Variants in FBN2 observed in about 807,000 individuals in gnomAD.
The protein encoded by FBN2 is fibrillin 2, also known as fibrillin-2.
FBN2 carries 105 observed loss-of-function variants against 355.6 expected under a neutral mutation model. The observed-to-expected ratio is 0.30, with a 90% CI of 0.25 to 0.35. FBN2 has a LOEUF of 0.35. Ranked by LOEUF, FBN2 falls within the 10% of genes least tolerant of loss-of-function variation. The pLI, the probability that FBN2 is intolerant of heterozygous loss-of-function variation, is 1.00. For missense variants in FBN2, 3,280 were observed against 3,758.7 expected (o/e 0.87, Z 3.33); for synonymous variants, 1,350 against 1,301.2 (o/e 1.04, Z -0.81).
intron 11 of FBN2, among the ~76,000 whole-genome samples, chr5:128,385,487 C>A (rs1028603826): frequency 6.6e-6 from 1 of 152,090 alleles, no homozygotes; most frequent in East Asian, 1.9e-4. Context: ...GTTTCCACAT[C>A]TTTATATTGT....
At chr5:128,467,405 T>A (rs902378982) in intron 5 of FBN2, among the ~76,000 whole-genome samples, 1 of 152,168 alleles carries the variant, frequency 6.6e-6, no homozygotes, top group African/African-American at 2.4e-5. Context: ...CTTTAAAATT[T>A]AAACTTACAA....
chr5:128,433,464 C>T (rs766627225), intron 7 of FBN2, among the ~76,000 whole-genome samples: 4 of 152,156 alleles, frequency 2.6e-5, no homozygotes, highest in Admixed American at 6.5e-5. Flanking sequence ...AAGAACAATA[C>T]AAAAAGCAAT....
At chr5:128,350,774 C>T in intron 21 of FBN2, 94 bp downstream of exon 21, 4 of 1,410,452 alleles carry the variant, frequency 2.8e-6, no homozygotes, top group Non-Finnish European at 4.0e-6. Flanking sequence ...GATCTCTGAC[C>T]TTCTTCACTA....
intron 8 of FBN2, among the ~76,000 whole-genome samples, chr5:128,402,807 G>C (rs958886973): frequency 1.3e-5 from 2 of 152,088 alleles, no homozygotes; most frequent in East Asian, 3.9e-4. Flanking sequence ...TTCCAGCCTG[G>C]GCTCCCCTTG....
At chr5:128,504,170 T>C (rs536185551) in intron 5 of FBN2, among the ~76,000 whole-genome samples, 1 of 152,246 alleles carries the variant, frequency 6.6e-6, no homozygotes, top group African/African-American at 2.4e-5. Context: ...AGAGGATGTA[T>C]GCAAATGCCT....
Position 128,339,009 on chromosome 5 carries a change from G to A in FBN2, c.3396C>T (p.Val1132=), listed in dbSNP as rs1260326137. The A allele has an allele frequency of 1.2e-6, 2 of 1,613,820 alleles. No homozygotes were observed. Among genetic ancestry groups the A allele is most frequent in the African/African-American group, 1.3e-5 (1 of 74,916 alleles). The change falls in exon 26 of 65, where the codon GTC becomes GTT. Residue 1132 remains valine (V), a synonymous_variant. Transcript: ENST00000262464. ...SPDLCGSGIC[V]NTPGSFECEC... ...CGCACTCAAAGCTGCCCGGTGTATT[G>A]ACGCAGATTCCACTGCCACAGAGGT...
chr5:128,466,477 T>C (rs943416037), intron 5 of FBN2, among the ~76,000 whole-genome samples: 5 of 152,212 alleles, frequency 3.3e-5, no homozygotes, highest in Admixed American at 3.3e-4. Context: ...CAAACTTGGA[T>C]ATAATTTAAC....
intron 48 of FBN2, among the ~76,000 whole-genome samples, chr5:128,296,163 A>C (rs1253010408): frequency 6.6e-6 from 1 of 152,072 alleles, no homozygotes; most frequent in Non-Finnish European, 1.5e-5. Flanking sequence ...ATATTGAACC[A>C]GCCTTGCATC....
intron 17 of FBN2, chr5:128,365,088 C>G (rs1021167490): frequency 4.9e-6 from 1 of 206,006 alleles, no homozygotes; most frequent in African/African-American, 2.4e-5. Context: ...AACTAAAAGA[C>G]AGATTTATTA....
intron 48 of FBN2, among the ~76,000 whole-genome samples, chr5:128,299,849 C>G (rs7711092): frequency 6.6e-6 from 1 of 152,188 alleles, no homozygotes; most frequent in South Asian, 2.1e-4. Flanking sequence ...GCTCCTCCCC[C>G]CTTAAACTTT....
chr5:128,306,117 C>A (rs937326437), intron 42 of FBN2, among the ~76,000 whole-genome samples, 169 bp from the exon 43 acceptor site: 1 of 151,916 alleles, frequency 6.6e-6, no homozygotes, highest in Non-Finnish European at 1.5e-5. Context: ...AACATATATA[C>A]CAGAAAATAG....
At chr5:128,480,888 G>C (rs1371733923) in intron 5 of FBN2, among the ~76,000 whole-genome samples, 1 of 152,152 alleles carries the variant, frequency 6.6e-6, no homozygotes, top group Non-Finnish European at 1.5e-5. Context: ...AGATGAGAGA[G>C]GCAGAAAAGT....
intron 7 of FBN2, among the ~76,000 whole-genome samples, chr5:128,429,137 G>A (rs919335576): frequency 3.9e-5 from 6 of 152,160 alleles, no homozygotes; most frequent in Non-Finnish European, 8.8e-5. Context: ...TTCCAGGTGT[G>A]AGTCAGGCTG....
At position 128,305,043 on chromosome 5, in the gene FBN2, T is replaced by A. The variant is rs928931511; in HGVS notation, c.5714A>T (p.His1905Leu). ...ECLEIPNVCSHGLCVDLQGSY... is the reference protein window; with the variant it reads ...ECLEIPNVCSLGLCVDLQGSY... ...TCCTTGCAGATCAACACACAAGCCATGACTGCAAACGTTAGGAATTTCTAA... is the reference window on the plus strand; with the variant it reads ...TCCTTGCAGATCAACACACAAGCCAAGACTGCAAACGTTAGGAATTTCTAA... The change falls in exon 45 of 65, where the codon CAT (histidine) becomes CTT (leucine). Residue 1905 changes from histidine to leucine, a missense_variant. Physicochemically the swap from His to Leu is moderately conservative, Grantham distance 99. Around this residue, in one of 6 missense-constraint regions of FBN2, gnomAD observed 2,284 missense variants for 2,749.5 expected, o/e 0.83. Transcript: ENST00000262464. 6.2e-7 allele frequency: 1 copy of A among 1,613,564 alleles called. No homozygotes were observed. The highest frequency in any genetic ancestry group is 8.5e-7 in the Non-Finnish European group (1 of 1,179,620).
chr5:128,483,735 G>C (rs939300228), intron 5 of FBN2, among the ~76,000 whole-genome samples: 4 of 152,012 alleles, frequency 2.6e-5, no homozygotes, highest in African/African-American at 9.7e-5. Flanking sequence ...AATCAGGGGT[G>C]GGGGGTGGCA....
At chr5:128,321,761 A>C (rs1750381297) in intron 34 of FBN2, among the ~76,000 whole-genome samples, 1 of 152,204 alleles carries the variant, frequency 6.6e-6, no homozygotes, top group South Asian at 2.1e-4. Context: ...ATATGTGTGC[A>C]TGTGTCTTTA....
At chr5:128,313,907 C>T (rs995740214) in intron 36 of FBN2, among the ~76,000 whole-genome samples, 17 of 150,312 alleles carry the variant, frequency 1.1e-4, no homozygotes, top group Non-Finnish European at 2.4e-4. Flanking sequence ...TTACCACTGC[C>T]TCTATCATTA....
rs370697027 is a variant in FBN2, at chr5:128,281,549, T to C, written c.7013-1232A>G. ...ATGTTATCTAGAAGTTTTGGTTTGTTAGATTTTTAGTGTGCCATCAGCATC... is the reference window on the plus strand; with the variant it reads ...ATGTTATCTAGAAGTTTTGGTTTGTCAGATTTTTAGTGTGCCATCAGCATC... On this transcript the variant is annotated intron_variant, in intron 55 of 64. Transcript: ENST00000262464. Among the ~76,000 whole-genome samples, 24 of 152,346 alleles carry C rather than the reference T, an allele frequency of 1.6e-4. 1 individual carries two copies. The East Asian group carries it at 2.5e-3, about 16-fold the overall frequency.
In FBN2 at chr5:128,538,183, G is replaced by C. The variant is rs888735839; in HGVS notation, c.-580C>G. 6.4e-6 allele frequency: 1 copy of C among 156,160 alleles called. No homozygotes were observed. The highest frequency in any genetic ancestry group is 1.4e-5 in the Non-Finnish European group (1 of 70,404). 9.7% of individuals were successfully genotyped at this position (156,160 alleles called of 1,614,324 possible). A position where few individuals can be genotyped will look rare whatever the true frequency, so the allele number is the denominator to read the frequency against. On this transcript the variant is annotated 5_prime_UTR_variant, in exon 1 of 65. Coordinates refer to ENST00000262464, the MANE Select transcript of FBN2 (RefSeq NM_001999.4). ...GCTGCGGAGCCGGGCGGAGGTGCGCGGGGCCGGGGCGTGCGGCCAGCAAGA... is the reference window on the plus strand; with the variant it reads ...GCTGCGGAGCCGGGCGGAGGTGCGCCGGGCCGGGGCGTGCGGCCAGCAAGA...
Sources: gnomAD v4.1 joint callset for allele counts (sites outside exome capture counted in the v4.1 genomes callset) on GRCh38, gnomAD v4.1.1 for gene constraint, gnomAD v4.1.1 regional missense constraint, MANE v1.5 for transcripts, NCBI Gene and HGNC (gene_info 2026-07-23, HGNC 2026-07-21) for gene names.